TAFA1: variants seen among roughly 807,000 people sequenced by gnomAD.
TAFA1 encodes the protein TAFA chemokine like family member 1.
Under a neutral mutation model 18.5 loss-of-function variants are expected in TAFA1, and 4 were observed. The observed-to-expected ratio is 0.22, with a 90% CI of 0.11 to 0.49. The LOEUF (loss-of-function observed/expected upper bound fraction) is 0.49, where lower values mean the gene tolerates loss of function less well. Ranked by LOEUF, TAFA1 falls within the 20% of genes least tolerant of loss-of-function variation. TAFA1 has a pLI of 0.98. For synonymous variants in TAFA1, 56 were observed against 55.2 expected, an observed-to-expected ratio of 1.01 and a Z score of -0.06; for missense variants, 147 against 169.0, an observed-to-expected ratio of 0.87 and a Z score of 0.72.
In TAFA1 at chr3:68,074,385, T is replaced by C. The variant is rs115708977; in HGVS notation, c.118+67641T>C. ...TTGGGAACCCCTGCCTTAGAGGCTG[T>C]ATAGAAGCTTAACGGAAGACTCTGA... On this transcript the variant is annotated intron_variant, in intron 2 of 4. Transcript: ENST00000478136. Among the ~76,000 whole-genome samples, 1,057 of 152,272 alleles carry C rather than the reference T, an allele frequency of 6.9e-3. 11 individuals are homozygous for C. The highest frequency in any genetic ancestry group is 0.024 in the African/African-American group (1,016 of 41,554).
At chr3:68,390,771 A>G (rs1032464031) in intron 2 of TAFA1, among the ~76,000 whole-genome samples, 1 of 152,206 alleles carries the variant, frequency 6.6e-6, no homozygotes, top group Admixed American at 6.5e-5. Flanking sequence ...GATCTGACTG[A>G]CTGTTAGAAG....
At chr3:68,078,324 C>T (rs2064853148) in intron 2 of TAFA1, among the ~76,000 whole-genome samples, 1 of 151,764 alleles carries the variant, frequency 6.6e-6, no homozygotes, top group African/African-American at 2.4e-5. Context: ...CCTGATTGCC[C>T]TGGCCAGAAC....
chr3:68,276,114 A>G (rs2067791349), intron 2 of TAFA1, among the ~76,000 whole-genome samples: 1 of 152,110 alleles, frequency 6.6e-6, no homozygotes, highest in Non-Finnish European at 1.5e-5. Context: ...AACAATTTAA[A>G]TGTTGAAATT....
At chr3:68,285,428 C>A (rs2067980142) in intron 2 of TAFA1, among the ~76,000 whole-genome samples, 1 of 151,106 alleles carries the variant, frequency 6.6e-6, no homozygotes, top group African/African-American at 2.4e-5. Flanking sequence ...TGCATATATG[C>A]CTCAAAAATT....
chr3:68,257,329 C>A (rs758162230), intron 2 of TAFA1, among the ~76,000 whole-genome samples: 1 of 152,032 alleles, frequency 6.6e-6, no homozygotes, highest in Non-Finnish European at 1.5e-5. Flanking sequence ...TGACCTTTTC[C>A]TTTGTATAAC....
At chr3:68,298,346 G>A (rs2068247860) in intron 2 of TAFA1, among the ~76,000 whole-genome samples, 1 of 152,170 alleles carries the variant, frequency 6.6e-6, no homozygotes, top group South Asian at 2.1e-4. Context: ...AAATAACCAT[G>A]GACAGGTGAA....
chr3:68,080,842 G>A (rs2106773770), intron 2 of TAFA1, among the ~76,000 whole-genome samples: 1 of 152,232 alleles, frequency 6.6e-6, no homozygotes, highest in African/African-American at 2.4e-5. Context: ...TATATTTCCT[G>A]AATCTGAACG....
Position 68,060,498 on chromosome 3 carries a change from C to T in TAFA1, c.118+53754C>T, listed in dbSNP as rs79907820. 9.0e-3 allele frequency among the ~76,000 whole-genome samples: 1,365 copies of T among 152,238 alleles called. 18 individuals are homozygous for T. The highest frequency in any genetic ancestry group is 0.03 in the African/African-American group (1,251 of 41,532). On this transcript the variant is annotated intron_variant, in intron 2 of 4. Coordinates refer to ENST00000478136, the MANE Select transcript of TAFA1 (RefSeq NM_213609.4). ...TTACCTTGACGGAGTGAAACTAGGC[C>T]GGTAGAATTTCAGGCAGAGAAGCGG...
chr3:68,178,449 T>A (rs2106977806), intron 2 of TAFA1, among the ~76,000 whole-genome samples: 1 of 152,108 alleles, frequency 6.6e-6, no homozygotes, highest in African/African-American at 2.4e-5. Flanking sequence ...TTTATAGGTG[T>A]TAGGAATGAA....
At chr3:68,128,265 C>G (rs1559530984) in intron 2 of TAFA1, among the ~76,000 whole-genome samples, 1 of 152,144 alleles carries the variant, frequency 6.6e-6, no homozygotes, top group African/African-American at 2.4e-5. Flanking sequence ...TTAAACTCAT[C>G]ATGATTAGAG....
At chr3:68,225,500 G>A (rs1436833002) in intron 2 of TAFA1, among the ~76,000 whole-genome samples, 1 of 152,138 alleles carries the variant, frequency 6.6e-6, no homozygotes, top group Non-Finnish European at 1.5e-5. Context: ...GGCAACCTTG[G>A]AGAGGTCATG....
rs1226747181 is a variant in TAFA1 at position 68,079,466 on chromosome 3, C to T, written c.118+72722C>T. ...TGGGCATTTAATGCTATAAATTTCC[C>T]TCTACACACTGCTTTGAATGCGTCC... On this transcript the variant is annotated intron_variant, in intron 2 of 4. Coordinates refer to ENST00000478136, the MANE Select transcript of TAFA1 (RefSeq NM_213609.4). 5.3e-5 allele frequency among the ~76,000 whole-genome samples: 8 copies of T among 152,172 alleles called. No individual in the cohort carries two copies. The East Asian group carries it at 1.5e-3, about 29-fold the overall frequency.
At chr3:68,208,179 C>T (rs1416822203) in intron 2 of TAFA1, among the ~76,000 whole-genome samples, 1 of 151,868 alleles carries the variant, frequency 6.6e-6, no homozygotes, top group Non-Finnish European at 1.5e-5. Flanking sequence ...GAAGCTATTC[C>T]TTCCTTCTGC....
chr3:68,419,488 A>G (rs1236957304), intron 3 of TAFA1, among the ~76,000 whole-genome samples: 1 of 152,178 alleles, frequency 6.6e-6, no homozygotes, highest in African/African-American at 2.4e-5. Context: ...TTTATATGTT[A>G]CTGTCAAACA....
intron 2 of TAFA1, among the ~76,000 whole-genome samples, chr3:68,260,177 C>G (rs969094691): frequency 6.6e-6 from 1 of 152,130 alleles, no homozygotes; most frequent in African/African-American, 2.4e-5. Context: ...AAGGCCTTTT[C>G]TGCATCTATT....
intron 3 of TAFA1, among the ~76,000 whole-genome samples, chr3:68,510,042 T>G (rs2668159): frequency 0.22 from 33,044 of 152,034 alleles, 3,699 homozygotes; most frequent in Middle Eastern, 0.24. Context: ...TGGCTTATCA[T>G]ATCCTTAATG....
chr3:68,031,144 GA>G (rs1177067212), intron 2 of TAFA1, among the ~76,000 whole-genome samples: 1 of 152,030 alleles, frequency 6.6e-6, no homozygotes, highest in African/African-American at 2.4e-5. Context: ...CCAATTTTTA[GA>G]AAACAAAAAT....
chr3:68,191,196 A>C (rs150349021), intron 2 of TAFA1, among the ~76,000 whole-genome samples: 1 of 151,864 alleles, frequency 6.6e-6, no homozygotes, highest in African/African-American at 2.4e-5. Flanking sequence ...TTCTGTGGTA[A>C]ACACATTATA....
chr3:68,031,010 T>C (rs1361258566), intron 2 of TAFA1, among the ~76,000 whole-genome samples: 1 of 152,284 alleles, frequency 6.6e-6, no homozygotes, highest in African/African-American at 2.4e-5. Context: ...AGAAATATCA[T>C]GGATTTTGAG....
Sources: allele counts gnomAD v4.1 joint callset (sites outside exome capture counted in the v4.1 genomes callset), GRCh38; gene constraint gnomAD v4.1.1; transcripts MANE v1.5; gene names NCBI Gene and HGNC (gene_info 2026-07-23, HGNC 2026-07-21).